The following XIRP2 variants were observed in gnomAD, a reference collection of about 807,000 sequenced individuals.
XIRP2 encodes the protein xin actin-binding repeat-containing protein 2.
Under a neutral mutation model 277.0 loss-of-function variants are expected in XIRP2, and 236 were observed. The ratio of observed to expected loss-of-function variants is 0.85; its 90% confidence interval spans 0.77 to 0.95. The LOEUF is 0.95. Among genes scored for constraint, XIRP2 ranks in the 40% least tolerant of loss-of-function variants. XIRP2 has a pLI of 0.00. For synonymous variants in XIRP2, 1,490 were observed against 1,416.5 expected, an observed-to-expected ratio of 1.05 and a Z score of -1.17; for missense variants, 4,640 against 4,157.5, an observed-to-expected ratio of 1.12 and a Z score of -3.19.
At chr2:166,907,612 GT>G (rs879666201) in intron 2 of XIRP2, among the ~76,000 whole-genome samples, 5,846 of 141,068 alleles carry the variant, frequency 0.041, 271 homozygotes, top group African/African-American at 0.11. Flanking sequence ...GGTCATAGAA[GT>G]TTTTTTTTTT....
intron 2 of XIRP2, among the ~76,000 whole-genome samples, chr2:166,999,884 C>G (rs1022283125): frequency 6.6e-6 from 1 of 152,022 alleles, no homozygotes; most frequent in Non-Finnish European, 1.5e-5. Context: ...TTTCAAAATT[C>G]TTTCTTTCCT....
intron 1 of XIRP2, among the ~76,000 whole-genome samples, chr2:166,893,514 C>T (rs879426151): frequency 6.6e-5 from 10 of 152,118 alleles, no homozygotes; most frequent in Non-Finnish European, 1.3e-4. Flanking sequence ...TACCATTTCA[C>T]ATGGCTACAT....
At chr2:167,227,450 G>A (rs1329363708) in intron 5 of XIRP2, among the ~76,000 whole-genome samples, 1 of 152,112 alleles carries the variant, frequency 6.6e-6, no homozygotes, top group African/African-American at 2.4e-5. Context: ...CACTTTGGGA[G>A]GCCAAAGTGG....
At chr2:166,926,663 T>C (rs1026509138) in intron 2 of XIRP2, among the ~76,000 whole-genome samples, 1 of 152,144 alleles carries the variant, frequency 6.6e-6, no homozygotes, top group Non-Finnish European at 1.5e-5. Flanking sequence ...CACTTTCTGT[T>C]CATGCTTGGT....
intron 2 of XIRP2, among the ~76,000 whole-genome samples, chr2:167,070,448 CAT>C (rs1689409326): frequency 1.3e-5 from 2 of 152,024 alleles, no homozygotes; most frequent in African/African-American, 4.8e-5. Context: ...AGGTCAGCCA[CAT>C]GGAACCAGAT....
chr2:167,001,226 G>T (rs1687359659), intron 2 of XIRP2, among the ~76,000 whole-genome samples: 1 of 152,056 alleles, frequency 6.6e-6, no homozygotes, highest in South Asian at 2.1e-4. Flanking sequence ...AGCACTAAAA[G>T]TATCATCAAT....
intron 2 of XIRP2, among the ~76,000 whole-genome samples, chr2:167,014,841 C>T (rs1479321814): frequency 2.6e-5 from 4 of 151,762 alleles, no homozygotes; most frequent in African/African-American, 9.7e-5. Flanking sequence ...GGTTAAATCA[C>T]TTGCTTAAGG....
At chr2:166,907,635 C>G (rs1419190872) in intron 2 of XIRP2, among the ~76,000 whole-genome samples, 2 of 149,030 alleles carry the variant, frequency 1.3e-5, no homozygotes, top group East Asian at 4.0e-4. Context: ...TTTTAATACT[C>G]TAAGTTCTAG....
intron 4 of XIRP2, among the ~76,000 whole-genome samples, chr2:167,217,267 A>G (rs553757596): frequency 6.8e-6 from 1 of 146,134 alleles, no homozygotes; most frequent in Non-Finnish European, 1.5e-5. Flanking sequence ...CATGTACCCT[A>G]AAACTTAAAG....
intron 5 of XIRP2, among the ~76,000 whole-genome samples, chr2:167,234,757 C>T (rs989116096): frequency 1.3e-5 from 2 of 151,706 alleles, no homozygotes; most frequent in African/African-American, 4.8e-5. Flanking sequence ...CTTGGAATTG[C>T]CTTAACTCTT....
At chr2:167,076,706 G>A (rs1689581690) in intron 2 of XIRP2, among the ~76,000 whole-genome samples, 1 of 152,208 alleles carries the variant, frequency 6.6e-6, no homozygotes, top group Non-Finnish European at 1.5e-5. Context: ...TATTTTTGAA[G>A]TGGAAGATCC....
At chr2:167,170,787 G>A (rs1485486270) in intron 3 of XIRP2, among the ~76,000 whole-genome samples, 1 of 150,790 alleles carries the variant, frequency 6.6e-6, no homozygotes, top group Non-Finnish European at 1.5e-5. Context: ...TCTATTATAT[G>A]GATTTCTAAT....
In XIRP2 at chr2:167,240,705, A is replaced by C. The variant is rs188701859; in HGVS notation, c.1011A>C (p.Ala337=). 5.5e-4 allele frequency: 886 copies of C among 1,613,926 alleles called. 4 individuals carry two copies. In the African/African-American group the frequency reaches 9.7e-3, roughly 18 times the overall value. ...LEKHTEEVNQ[A]SQFHQYVQET... The stretch of plus-strand genomic sequence containing the variant: ...AGCACACCGAGGAAGTAAACCAAGC[A>C]TCTCAGTTTCATCAATATGTTCAAG... Residue 337 remains alanine, a synonymous_variant, in exon 7 of 11, where the codon GCA becomes GCC. Transcript: ENST00000409195.
intron 4 of XIRP2, among the ~76,000 whole-genome samples, chr2:167,214,311 G>A (rs1040400592): frequency 6.7e-6 from 1 of 148,750 alleles, no homozygotes; most frequent in African/African-American, 2.5e-5. Flanking sequence ...AAGGAAGGAA[G>A]GAAGGAAGGA....
In XIRP2 at chr2:167,246,575, A is replaced by G; in HGVS notation, c.5183A>G (p.Lys1728Arg). The G allele has an allele frequency of 1.2e-6, 2 of 1,613,808 alleles. No individual in the cohort carries two copies. Among genetic ancestry groups the G allele is most frequent in the Non-Finnish European group, 1.7e-6 (2 of 1,179,836 alleles). Residue 1728 changes from lysine (K) to arginine (R), a missense_variant, in exon 9 of 11, where the codon AAA becomes AGA. By Grantham distance (26) the Lys-to-Arg change is conservative. Transcript: ENST00000409195. ...HNLLSSTSNN[K>R]ISERAKIDAS... ...TTATTGTCTTCCACATCAAACAATAAAATATCTGAAAGGGCTAAAATTGAT... is the reference window on the plus strand; with the variant it reads ...TTATTGTCTTCCACATCAAACAATAGAATATCTGAAAGGGCTAAAATTGAT...
chr2:166,932,219 T>TA (rs1261211120), intron 2 of XIRP2, among the ~76,000 whole-genome samples: 1 of 151,210 alleles, frequency 6.6e-6, no homozygotes, highest in African/African-American at 2.4e-5. Context: ...TCTCTCTCTT[T>TA]TTTTTTTTTT....
chr2:167,238,593 G>A (rs1395358485), intron 5 of XIRP2, among the ~76,000 whole-genome samples: 1 of 152,064 alleles, frequency 6.6e-6, no homozygotes, highest in Non-Finnish European at 1.5e-5. Flanking sequence ...ATTGGGATTT[G>A]ATAGTGTAAA....
intron 2 of XIRP2, among the ~76,000 whole-genome samples, chr2:167,115,455 G>A (rs192423778): frequency 5.0e-4 from 76 of 152,246 alleles, no homozygotes; most frequent in African/African-American, 1.5e-3. Flanking sequence ...GAGTCCTTGT[G>A]CTTTCTTTCT....
At chr2:166,946,772 T>TA (rs1685878385) in intron 2 of XIRP2, among the ~76,000 whole-genome samples, 1 of 152,092 alleles carries the variant, frequency 6.6e-6, no homozygotes, top group Non-Finnish European at 1.5e-5. Flanking sequence ...AGTAAGATGT[T>TA]ACAATCAGTT....
Sources: gnomAD v4.1 joint callset for allele counts (sites outside exome capture counted in the v4.1 genomes callset) on GRCh38, gnomAD v4.1.1 for gene constraint, MANE v1.5 for transcripts, NCBI Gene and HGNC (gene_info 2026-07-23, HGNC 2026-07-21) for gene names.